The following KDM2B variants were observed in gnomAD, a reference collection of about 807,000 sequenced individuals.
KDM2B encodes lysine demethylase 2B.
Under a neutral mutation model 150.0 loss-of-function variants are expected in KDM2B, and 26 were observed. The observed-to-expected ratio is 0.17, with a 90% CI of 0.13 to 0.24. KDM2B has a LOEUF of 0.24. Ranked by LOEUF, KDM2B falls within the 10% of genes least tolerant of loss-of-function variation. The probability of loss-of-function intolerance (pLI) is 1.00; values close to 1 mark genes in which losing one functional copy is unlikely to be tolerated. For synonymous variants in KDM2B, 734 were observed against 729.5 expected (o/e 1.01, Z -0.10); for missense variants, 1,265 against 1,816.9 (o/e 0.70, Z 5.52).
rs541266790 is a variant in KDM2B at position 121,512,217 on chromosome 12, C to A, written c.1174+1059G>T. Among the ~76,000 whole-genome samples, 4 of 152,208 alleles carry A rather than the reference C, an allele frequency of 2.6e-5. No individual in the cohort carries two copies. In the East Asian group the frequency reaches 7.7e-4, roughly 29 times the overall value. On this transcript the variant is annotated intron_variant, in intron 10 of 22. Transcript: ENST00000377071. ...TACCAGGCTGGGAGCTCCAGAAGGG[C>A]AGGTTGTAGGGTTTCGGGACTTTCC...
Position 121,554,033 on chromosome 12 carries a change from C to CCACACACACACACA in KDM2B, c.398-4409_398-4396dup, listed in dbSNP as rs56659514. On this transcript the variant is annotated intron_variant, in intron 4 of 22. Transcript: ENST00000377071. ...TGGGTAATATAGTGACACCCCAGCTCCACACACACACACACACACACACAC... is the reference window on the plus strand; with the variant it reads ...TGGGTAATATAGTGACACCCCAGCTCCACACACACACACACACACACACACACACACACACACAC... 9.0e-4 allele frequency among the ~76,000 whole-genome samples: 110 copies of CCACACACACACACA among 122,140 alleles called. 1 individual carries two copies. The highest frequency in any genetic ancestry group is 1.2e-3 in the Non-Finnish European group (69 of 59,326). The allele number at this position is 122,140 out of a possible 152,430, so 80.1% of individuals were successfully genotyped here.
intron 7 of KDM2B, 65 bp downstream of exon 7, chr12:121,534,432 A>G (rs1555308378): frequency 8.7e-7 from 1 of 1,153,220 alleles, no homozygotes; most frequent in Non-Finnish European, 1.3e-6. Context: ...AGGGAAAGGT[A>G]AGTGAGCCCC....
chr12:121,467,568 G>A lies in KDM2B; in HGVS notation c.1735-14224C>T, dbSNP rs1341492127. 6.6e-6 allele frequency: 1 copy of A among 150,476 alleles called. No homozygotes were observed. Among genetic ancestry groups the A allele is most frequent in the Admixed American group, 6.7e-5 (1 of 14,896 alleles). 9.3% of individuals were successfully genotyped at this position (150,476 alleles called of 1,614,324 possible). On this transcript the variant is annotated intron_variant, in intron 12 of 22. Coordinates refer to ENST00000377071, the MANE Select transcript of KDM2B (RefSeq NM_032590.5). This position sits in a 1 kb window ranked among gnomAD's most constrained non-coding sequence, Gnocchi z 5.1. ...CGCCGAGGGCGGTCCCTCGCGGCCG[G>A]AGCGCGGGGACTGGGGCTGCGTGGG...
At chr12:121,523,064 G>T (rs548531630) in intron 8 of KDM2B, among the ~76,000 whole-genome samples, 1 of 152,228 alleles carries the variant, frequency 6.6e-6, no homozygotes, top group South Asian at 2.1e-4. Context: ...CACAGCGTGG[G>T]GCTAGGAGAT....
At chr12:121,498,808 T>A (rs1275499886) in intron 11 of KDM2B, among the ~76,000 whole-genome samples, 1 of 152,074 alleles carries the variant, frequency 6.6e-6, no homozygotes, top group Non-Finnish European at 1.5e-5. Flanking sequence ...TTAATAATAA[T>A]AAATAATACA....
chr12:121,464,659 G>A (rs1217450745), intron 12 of KDM2B, among the ~76,000 whole-genome samples: 2 of 152,230 alleles, frequency 1.3e-5, no homozygotes, highest in Non-Finnish European at 2.9e-5. Flanking sequence ...CCTCCCACCA[G>A]GGCCTCCCTC....
the KDM2B span, chr12:121,416,260 C>CGGTCCAT: frequency 6.2e-7 from 1 of 1,613,984 alleles, no homozygotes; most frequent in Non-Finnish European, 8.5e-7. Context: ...CAGGAGCCAC[C>CGGTCCAT]GGTCCATTCA....
chr12:121,524,804 T>TA, intron 8 of KDM2B: 3 of 382,100 alleles, frequency 7.9e-6, no homozygotes, highest in Non-Finnish European at 1.6e-5. Context: ...ATGAAGGCAA[T>TA]AAACAGAGGC....
chr12:121,546,379 C>CTTTTTTTTTTTTTTTTTTTTTTTT (rs371614406), intron 6 of KDM2B, among the ~76,000 whole-genome samples: 3 of 97,486 alleles, frequency 3.1e-5, no homozygotes, highest in African/African-American at 4.2e-5. Context: ...TTTTTTTTGC[C>CTTTTTTTTTTTTTTTTTTTTTTTT]TTTTTTTTTT....
At chr12:121,499,948 C>CA (rs111843838) in intron 11 of KDM2B, among the ~76,000 whole-genome samples, 24,960 of 148,856 alleles carry the variant, frequency 0.17, 3,716 homozygotes, top group African/African-American at 0.41. Context: ...GACTCTAACT[C>CA]AAAAAAAAAT....
intron 4 of KDM2B, among the ~76,000 whole-genome samples, chr12:121,558,718 G>A (rs1344281870): frequency 6.6e-6 from 1 of 152,062 alleles, no homozygotes; most frequent in African/African-American, 2.4e-5. Flanking sequence ...GCCTCCCAAA[G>A]TGCTGGGATT....
chr12:121,437,055 T>G (rs1052561535), intron 22 of KDM2B, among the ~76,000 whole-genome samples: 1 of 151,658 alleles, frequency 6.6e-6, no homozygotes, highest in African/African-American at 2.4e-5. Flanking sequence ...AAAGAAGATA[T>G]GAGATCAAGG....
At chr12:121,443,079 A>G (rs782156010) in intron 17 of KDM2B, 49 bp from the exon 18 acceptor site, 13 of 1,570,080 alleles carry the variant, frequency 8.3e-6, no homozygotes, top group Admixed American at 5.4e-5. Flanking sequence ...GGCTCGTGGG[A>G]TTTGGTCTCC....
chr12:121,460,256 G>C (rs1878912496), intron 12 of KDM2B, among the ~76,000 whole-genome samples: 1 of 152,192 alleles, frequency 6.6e-6, no homozygotes. Context: ...TTACACTCTG[G>C]AAAAAGAAAG....
chr12:121,579,100 T>A, intron 1 of KDM2B, 154 bp from the exon 2 acceptor site: 1 of 820,156 alleles, frequency 1.2e-6, no homozygotes, highest in Non-Finnish European at 1.9e-6. Context: ...CCAAAGATGC[T>A]GAAAAGCAGG....
intron 12 of KDM2B, among the ~76,000 whole-genome samples, chr12:121,488,755 G>T (rs1883038992): frequency 6.6e-6 from 1 of 151,666 alleles, no homozygotes; most frequent in Non-Finnish European, 1.5e-5. Context: ...CCGAGTAGCT[G>T]GGATTACAGG....
chr12:121,509,521 C>A (rs782489744), intron 11 of KDM2B, 46 bp downstream of exon 11: 8 of 1,594,040 alleles, frequency 5.0e-6, no homozygotes, highest in Middle Eastern at 2.2e-4. Context: ...ACGGGACCTG[C>A]CCGGCCCTCC....
the KDM2B span, among the ~76,000 whole-genome samples, chr12:121,412,127 T>C: frequency 6.6e-6 from 1 of 151,816 alleles, no homozygotes; most frequent in African/African-American, 2.4e-5. Flanking sequence ...AGTGGCGCAA[T>C]CTTGGCTCAC....
At position 121,509,820 on chromosome 12, in the gene KDM2B, G is replaced by C. The variant is rs1555303607; in HGVS notation, c.1394C>G (p.Ala465Gly). ...EALGKKPKAP[A>G]LRFLKRTLSN... Reference sequence around the variant, plus strand: ...CAAAGTCCTTTTGAGGAATCGCAGGGCAGGTGCTTTGGGCTTCTTCCCGAG... The same window carrying C: ...CAAAGTCCTTTTGAGGAATCGCAGGCCAGGTGCTTTGGGCTTCTTCCCGAG... The change falls in exon 11 of 23, where the codon GCC becomes GGC. Residue 465 changes from alanine (A) to glycine (G), a missense_variant. Physicochemically the swap from Ala to Gly is moderately conservative, Grantham distance 60 (BLOSUM62 0). Coordinates refer to ENST00000377071, the MANE Select transcript of KDM2B (RefSeq NM_032590.5). The C allele has an allele frequency of 6.2e-7, 1 of 1,614,084 alleles. No individual in the cohort carries two copies. The highest frequency in any genetic ancestry group is 8.5e-7 in the Non-Finnish European group (1 of 1,180,022).
Sources: gnomAD v4.1 joint callset for allele counts (sites outside exome capture counted in the v4.1 genomes callset) on GRCh38, gnomAD v4.1.1 for gene constraint, Gnocchi (gnomAD v3.1) non-coding constraint, MANE v1.5 for transcripts, NCBI Gene and HGNC (gene_info 2026-07-23, HGNC 2026-07-21) for gene names.